Variants in TTC39B observed in about 807,000 individuals in gnomAD.
TTC39B encodes the protein tetratricopeptide repeat domain 39B.
TTC39B carries 92 observed loss-of-function variants against 96.6 expected under a neutral mutation model. The observed-to-expected ratio is 0.95, with a 90% CI of 0.80 to 1.13. The LOEUF (loss-of-function observed/expected upper bound fraction) is 1.13, where lower values mean the gene tolerates loss of function less well. TTC39B is among the 50% of genes most tolerant of loss of function. The pLI, the probability that TTC39B is intolerant of heterozygous loss-of-function variation, is 0.00. For synonymous variants in TTC39B, 367 were observed against 299.4 expected, an observed-to-expected ratio of 1.23 and a Z score of -2.33; for missense variants, 955 against 809.3, an observed-to-expected ratio of 1.18 and a Z score of -2.18.
intron 3 of TTC39B, among the ~76,000 whole-genome samples, chr9:15,216,457 T>G (rs1820522669): frequency 6.6e-6 from 1 of 152,162 alleles, no homozygotes; most frequent in African/African-American, 2.4e-5. Context: ...GCTTTGCCCT[T>G]AAGTTTCCAG....
chr9:15,187,159 A>G (rs1252868204), intron 14 of TTC39B, 124 bp from the exon 15 acceptor site: 2 of 653,456 alleles, frequency 3.1e-6, no homozygotes, highest in African/African-American at 3.7e-5. Context: ...AAATCAGAGG[A>G]AATGAAATCT....
rs868424095 is a variant in TTC39B, at chr9:15,306,287, G to A, written c.240+797C>T. ...GAGTTGCCAGGTGCTGAAATGAATAGTCAATAAATCAACAGGTCCGGCGCG... is the reference window on the plus strand; with the variant it reads ...GAGTTGCCAGGTGCTGAAATGAATAATCAATAAATCAACAGGTCCGGCGCG... On this transcript the variant is annotated intron_variant, in intron 1 of 19. Transcript: ENST00000512701. This position sits in a 1 kb window ranked among gnomAD's most constrained non-coding sequence, Gnocchi z 5.1. Among the ~76,000 whole-genome samples the A allele has an allele frequency of 1.4e-4, 22 of 152,244 alleles. 1 individual carries two copies. Among genetic ancestry groups the A allele is most frequent in the Admixed American group, 4.6e-4 (7 of 15,290 alleles).
At chr9:15,199,433 C>T (rs983764147) in intron 8 of TTC39B, among the ~76,000 whole-genome samples, 1 of 151,944 alleles carries the variant, frequency 6.6e-6, no homozygotes, top group Non-Finnish European at 1.5e-5. Flanking sequence ...TTTACCAACA[C>T]CAAATAAAAA....
intron 7 of TTC39B, 69 bp from the exon 8 acceptor site, chr9:15,199,994 G>T: frequency 2.4e-6 from 2 of 846,658 alleles, no homozygotes; most frequent in Non-Finnish European, 3.6e-6. Context: ...ACAGTTGTGT[G>T]TTTGTGTGAT....
intron 2 of TTC39B, chr9:15,249,847 AC>A: frequency 1.8e-6 from 2 of 1,091,298 alleles, no homozygotes; most frequent in Non-Finnish European, 2.3e-6. Flanking sequence ...CTTAAATTAA[AC>A]CCTCATAGAT....
chr9:15,240,284 G>T (rs746049229), intron 2 of TTC39B, among the ~76,000 whole-genome samples: 2 of 152,104 alleles, frequency 1.3e-5, no homozygotes, highest in Non-Finnish European at 2.9e-5. Context: ...TGTTCCTCAC[G>T]AAGGAAAAAC....
At chr9:15,230,577 A>C (rs1821364693) in intron 2 of TTC39B, among the ~76,000 whole-genome samples, 1 of 152,188 alleles carries the variant, frequency 6.6e-6, no homozygotes, top group South Asian at 2.1e-4. Context: ...TTTATTACCT[A>C]ATATTATTCC....
At chr9:15,227,670 G>C (rs1318689073) in intron 2 of TTC39B, among the ~76,000 whole-genome samples, 2 of 152,200 alleles carry the variant, frequency 1.3e-5, no homozygotes, top group East Asian at 3.9e-4. Flanking sequence ...AGCAGGGAAA[G>C]AGGAAGTGAC....
chr9:15,278,219 T>C (rs866197951), intron 1 of TTC39B, among the ~76,000 whole-genome samples: 1 of 152,214 alleles, frequency 6.6e-6, no homozygotes, highest in Non-Finnish European at 1.5e-5. Flanking sequence ...ATCGTGTATA[T>C]AGTCAATCTT....
At chr9:15,189,517 C>A in intron 13 of TTC39B, 57 bp downstream of exon 13, 1 of 1,579,154 alleles carries the variant, frequency 6.3e-7, no homozygotes, top group South Asian at 1.1e-5. Flanking sequence ...CACAGCGACT[C>A]ATGTAGGAGT....
At chr9:15,180,076 A>G (rs928526480) in intron 17 of TTC39B, among the ~76,000 whole-genome samples, 1 of 152,230 alleles carries the variant, frequency 6.6e-6, no homozygotes, top group Admixed American at 6.5e-5. Context: ...ACATTCAAAG[A>G]AAATTACATG....
At position 15,189,561 on chromosome 9, in the gene TTC39B, C is replaced by A; in HGVS notation, c.1233+13G>T. On this transcript the variant is annotated intron_variant, in intron 13 of 19. Transcript: ENST00000512701. ...AGACAACTCCCCCAAATAATTCCCA[C>A]CTAATAAATTACCTCTTCAAGATTC... 1.2e-6 allele frequency: 2 copies of A among 1,612,684 alleles called. No individual in the cohort carries two copies. Among genetic ancestry groups the A allele is most frequent in the Non-Finnish European group, 1.7e-6 (2 of 1,179,948 alleles).
At chr9:15,248,602 T>TTGAATGAATGAATGAATGAA (rs56177200) in intron 2 of TTC39B, among the ~76,000 whole-genome samples, 4 of 151,248 alleles carry the variant, frequency 2.6e-5, no homozygotes, top group Admixed American at 1.3e-4. Flanking sequence ...GTAAACATTT[T>TTGAATGAATGAATGAATGAA]TGAATGAATG....
intron 3 of TTC39B, among the ~76,000 whole-genome samples, chr9:15,217,698 A>G (rs16932832): frequency 0.061 from 9,340 of 152,144 alleles, 325 homozygotes; most frequent in Non-Finnish European, 0.07. Flanking sequence ...ATGCCTTCCT[A>G]CTACTGCTTT....
intron 14 of TTC39B, 27 bp downstream of exon 14, chr9:15,187,944 G>A (rs1818625795): frequency 6.5e-7 from 1 of 1,539,174 alleles, no homozygotes; most frequent in African/African-American, 1.4e-5. Flanking sequence ...GCAAACAGAT[G>A]ACATTAATGA....
intron 7 of TTC39B, among the ~76,000 whole-genome samples, chr9:15,200,260 G>T (rs546135886): frequency 1.3e-5 from 2 of 152,258 alleles, no homozygotes; most frequent in East Asian, 3.9e-4. Context: ...TTTCTTCTGG[G>T]TTTAACAGAA....
intron 7 of TTC39B, 141 bp from the exon 8 acceptor site, chr9:15,200,066 A>T (rs1271967108): frequency 7.9e-6 from 4 of 503,902 alleles, no homozygotes; most frequent in Non-Finnish European, 1.4e-5. Flanking sequence ...TGAAATTAAC[A>T]CATACTCTTG....
rs1458310848 is a variant in TTC39B, at chr9:15,182,336, T to C, written c.1694A>G (p.Glu565Gly). The change falls in exon 17 of 20, where the codon GAA (glutamate) becomes GGA (glycine). Residue 565 changes from glutamate (E) to glycine (G), a missense_variant. Physicochemically the swap from Glu to Gly is moderately conservative, Grantham distance 98. Transcript: ENST00000512701. ...ACTTTGTAAAGCTGCCTCAGCTTTT[T>C]CAACAGTTACTAACAGATTTTCAGA... The C allele has an allele frequency of 3.1e-6, 5 of 1,612,114 alleles. No homozygotes were observed. The Admixed American group carries it at 5.0e-5, about 16-fold the overall frequency.
At chr9:15,301,745 G>C (rs918177094) in intron 1 of TTC39B, among the ~76,000 whole-genome samples, 9 of 148,506 alleles carry the variant, frequency 6.1e-5, no homozygotes, top group Admixed American at 2.0e-4. Context: ...AACAGAGAGA[G>C]AGTCCATCTC....
Sources: gnomAD v4.1 joint callset for allele counts (sites outside exome capture counted in the v4.1 genomes callset) on GRCh38, gnomAD v4.1.1 for gene constraint, Gnocchi (gnomAD v3.1) non-coding constraint, MANE v1.5 for transcripts, NCBI Gene and HGNC (gene_info 2026-07-23, HGNC 2026-07-21) for gene names.